Variants in SRFBP1 observed in about 807,000 individuals in gnomAD.
The protein encoded by SRFBP1 is serum response factor binding protein 1, also known as serum response factor-binding protein 1.
Under a neutral mutation model 45.5 loss-of-function variants are expected in SRFBP1, and 47 were observed. The observed-to-expected ratio is 1.03, with a 90% CI of 0.82 to 1.32. The LOEUF (loss-of-function observed/expected upper bound fraction) is 1.32. Ranked by LOEUF, SRFBP1 falls within the 40% of genes most tolerant of loss-of-function variation. The probability of loss-of-function intolerance (pLI) is 0.00; values close to 1 mark genes in which losing one functional copy is unlikely to be tolerated. For synonymous variants in SRFBP1, 203 were observed against 166.3 expected (o/e 1.22, Z -1.70); for missense variants, 621 against 484.6 (o/e 1.28, Z -2.64).
intron 1 of SRFBP1, among the ~76,000 whole-genome samples, chr5:121,964,038 A>T (rs1197567935): frequency 2.6e-5 from 4 of 152,216 alleles, no homozygotes; most frequent in African/African-American, 9.6e-5. Context: ...AAATAGGCAG[A>T]AGAAATGAAT....
At position 121,975,384 on chromosome 5, in the gene SRFBP1, GAAGGT is replaced by G. The variant is rs1396836717; in HGVS notation, c.198+2_198+6del. ...GATTGCTTGAAGAAATCCATGCCAT[GAAGGT>G]AAGGACTTGTGTGGGTGTGTATGTG... On this transcript the variant is annotated splice_donor_variant and coding_sequence_variant, in exon 3 of 8. Coordinates refer to ENST00000339397, the MANE Select transcript of SRFBP1 (RefSeq NM_152546.3). LOFTEE classifies it high-confidence loss of function. The G allele has an allele frequency of 6.2e-7, 1 of 1,613,136 alleles. No individual in the cohort carries two copies. Among genetic ancestry groups the G allele is most frequent in the East Asian group, 2.2e-5 (1 of 44,856 alleles).
intron 2 of SRFBP1, among the ~76,000 whole-genome samples, chr5:122,038,871 C>T (rs1246430106): frequency 6.6e-6 from 1 of 152,024 alleles, no homozygotes; most frequent in Non-Finnish European, 1.5e-5. Context: ...TTGGGGCTCC[C>T]AAACTTTCTC....
chr5:122,008,048 A>G (rs1334924666), intron 4 of SRFBP1, among the ~76,000 whole-genome samples: 2 of 152,102 alleles, frequency 1.3e-5, no homozygotes, highest in Non-Finnish European at 2.9e-5. Flanking sequence ...CCTGGTGCCA[A>G]GACAGGCTTG....
At chr5:122,013,759 A>G (rs191663666) in intron 4 of SRFBP1, among the ~76,000 whole-genome samples, 2 of 152,276 alleles carry the variant, frequency 1.3e-5, no homozygotes, top group East Asian at 3.9e-4. Flanking sequence ...GCATGGGAAA[A>G]CTGCCTAGAA....
intron 2 of SRFBP1, among the ~76,000 whole-genome samples, chr5:122,053,528 G>A (rs1241388698): frequency 6.6e-6 from 1 of 151,976 alleles, no homozygotes; most frequent in Non-Finnish European, 1.5e-5. Context: ...TGCCTACCTG[G>A]CTATCAGTGG....
intron 3 of SRFBP1, among the ~76,000 whole-genome samples, chr5:121,988,366 A>C (rs1752557325): frequency 6.6e-6 from 1 of 152,196 alleles, no homozygotes; most frequent in South Asian, 2.1e-4. Context: ...CTCTAGAAAG[A>C]TTCACAGGAC....
At chr5:122,041,851 AG>A (rs1466634778) in intron 2 of SRFBP1, among the ~76,000 whole-genome samples, 1 of 152,224 alleles carries the variant, frequency 6.6e-6, no homozygotes, top group Non-Finnish European at 1.5e-5. Flanking sequence ...ATACAATAAT[AG>A]CAATGATATT....
intron 1 of SRFBP1, among the ~76,000 whole-genome samples, chr5:121,964,438 G>GCAGT (rs1171877738): frequency 6.6e-6 from 1 of 152,114 alleles, no homozygotes; most frequent in Non-Finnish European, 1.5e-5. Flanking sequence ...GTGAGAACAT[G>GCAGT]CAGTGTTTGG....
At chr5:121,987,274 G>C (rs959126458) in intron 3 of SRFBP1, among the ~76,000 whole-genome samples, 3 of 152,096 alleles carry the variant, frequency 2.0e-5, no homozygotes, top group African/African-American at 7.2e-5. Context: ...ACATGTCTCT[G>C]AGCTGTCTAA....
At chr5:121,969,047 A>G (rs1752135039) in intron 1 of SRFBP1, among the ~76,000 whole-genome samples, 1 of 152,194 alleles carries the variant, frequency 6.6e-6, no homozygotes, top group African/African-American at 2.4e-5. Context: ...CAATTCAAGT[A>G]GCATTTAATT....
intron 1 of SRFBP1, among the ~76,000 whole-genome samples, chr5:121,972,242 T>C (rs964155901): frequency 2.6e-5 from 4 of 151,912 alleles, no homozygotes; most frequent in Non-Finnish European, 5.9e-5. Context: ...TGTGTAGTGG[T>C]ATTTCTTATA....
Position 121,962,005 on chromosome 5 carries a change from A to G in SRFBP1, c.-28A>G, listed in dbSNP as rs979548028. ...CTGAGAGACCGGTTCACGTGCAGGC[A>G]GCGGCGGATCATATTCCTTCATCTA... On this transcript the variant is annotated 5_prime_UTR_variant, in exon 1 of 8. Coordinates refer to ENST00000339397, the MANE Select transcript of SRFBP1 (RefSeq NM_152546.3). 3.7e-6 allele frequency: 6 copies of G among 1,613,500 alleles called. No homozygotes were observed. Among genetic ancestry groups the G allele is most frequent in the Non-Finnish European group, 5.1e-6 (6 of 1,179,842 alleles).
rs894246787 is a variant in SRFBP1, at chr5:122,001,135, G to A, written c.270+6465G>A. On this transcript the variant is annotated intron_variant, in intron 4 of 7. Transcript: ENST00000339397. ...TTGAGAATCACTATTCTCAAAAAGT[G>A]ATGGGATAATTCAAATGTAATAAAT... Among the ~76,000 whole-genome samples, 10 of 152,020 alleles carry A rather than the reference G, an allele frequency of 6.6e-5. No homozygotes were observed. In the East Asian group the frequency reaches 1.5e-3, roughly 24 times the overall value.
rs551173368 is a variant in SRFBP1 at position 122,047,934 on chromosome 5, G to T, written n.311+25527G>T. Among the ~76,000 whole-genome samples, 31 of 152,286 alleles carry T rather than the reference G, an allele frequency of 2.0e-4. No individual in the cohort carries two copies. The East Asian group carries it at 5.8e-3, about 28-fold the overall frequency. ...TTGCTGAAGTTGCTTATCAGCTTAAGGAGATTTTGGGCTGAGATGATGGGG... is the reference window on the plus strand; with the variant it reads ...TTGCTGAAGTTGCTTATCAGCTTAATGAGATTTTGGGCTGAGATGATGGGG... On this transcript the variant is annotated intron_variant and non_coding_transcript_variant, in intron 2 of 2. Transcript: ENST00000504881.
chr5:122,022,073 C>G (rs751819624), intron 6 of SRFBP1, among the ~76,000 whole-genome samples: 1 of 151,904 alleles, frequency 6.6e-6, no homozygotes, highest in Non-Finnish European at 1.5e-5. Context: ...TATAGATAAT[C>G]CCGAAGTGTA....
At chr5:122,024,397 A>G (rs1001359706) in intron 7 of SRFBP1, among the ~76,000 whole-genome samples, 4 of 152,160 alleles carry the variant, frequency 2.6e-5, no homozygotes, top group Non-Finnish European at 4.4e-5. Context: ...CAATTTTAGT[A>G]TTATTCATAG....
In SRFBP1 at chr5:122,020,628, G is replaced by A. The variant is rs373277351; in HGVS notation, c.893G>A (p.Ser298Asn). 3.7e-6 allele frequency: 6 copies of A among 1,613,832 alleles called. No homozygotes were observed. Among genetic ancestry groups the A allele is most frequent in the Non-Finnish European group, 5.1e-6 (6 of 1,179,966 alleles). ...GKVRRTRKKE[S>N]SCHSSVKEQK... is the part of the protein sequence containing the mutation. Reference sequence around the variant, plus strand: ...GTCAGACGGACACGAAAGAAGGAAAGTAGTTGTCATTCTTCAGTTAAGGAA... The same window carrying A: ...GTCAGACGGACACGAAAGAAGGAAAATAGTTGTCATTCTTCAGTTAAGGAA... The change falls in exon 6 of 8, where the codon AGT becomes AAT. Residue 298 changes from serine (S) to asparagine (N), a missense_variant. Coordinates refer to ENST00000339397, the MANE Select transcript of SRFBP1 (RefSeq NM_152546.3).
chr5:122,013,016 G>A (rs1753125155), intron 4 of SRFBP1, among the ~76,000 whole-genome samples: 1 of 152,058 alleles, frequency 6.6e-6, no homozygotes, highest in South Asian at 2.1e-4. Context: ...TACCACCTCT[G>A]ACTCTTGTTG....
intron 3 of SRFBP1, among the ~76,000 whole-genome samples, chr5:121,983,618 A>G (rs182219362): frequency 3.9e-5 from 6 of 151,924 alleles, no homozygotes; most frequent in South Asian, 4.1e-4. Context: ...ATTGAATTAT[A>G]CAAGTTTTTT....
Sources: gnomAD v4.1 joint callset for allele counts (sites outside exome capture counted in the v4.1 genomes callset) on GRCh38, gnomAD v4.1.1 for gene constraint, MANE v1.5 for transcripts, NCBI Gene and HGNC (gene_info 2026-07-23, HGNC 2026-07-21) for gene names.